ADAMTS3: variants seen among roughly 807,000 people sequenced by gnomAD.
The protein encoded by ADAMTS3 is A disintegrin and metalloproteinase with thrombospondin motifs 3.
ADAMTS3 carries 73 observed loss-of-function variants against 129.0 expected under a neutral mutation model. The observed-to-expected ratio is 0.57, with a 90% CI of 0.47 to 0.69. ADAMTS3 has a LOEUF of 0.69. Ranked by LOEUF, ADAMTS3 falls within the 30% of genes least tolerant of loss-of-function variation. ADAMTS3 has a pLI of 0.00. For missense variants in ADAMTS3, 1,457 were observed against 1,514.5 expected, an observed-to-expected ratio of 0.96 and a Z score of 0.63; for synonymous variants, 477 against 510.8, an observed-to-expected ratio of 0.93 and a Z score of 0.89.
At chr4:72,298,872 T>C (rs1306348240) in intron 17 of ADAMTS3, among the ~76,000 whole-genome samples, 1 of 151,876 alleles carries the variant, frequency 6.6e-6, no homozygotes, top group African/African-American at 2.4e-5. Context: ...AAAATTTTGG[T>C]GCATTTTAAA....
Position 72,431,197 on chromosome 4 carries a change from G to A in ADAMTS3, c.505-16226C>T, listed in dbSNP as rs143517488. ...AAGAAAAGAATTATGGCACAATGGC[G>A]AAAATGGCTCATAAAACCTGTTGAT... On this transcript the variant is annotated intron_variant, in intron 3 of 21. Coordinates refer to ENST00000286657, the MANE Select transcript of ADAMTS3 (RefSeq NM_014243.3). Among the ~76,000 whole-genome samples, 18 of 152,008 alleles carry A rather than the reference G, an allele frequency of 1.2e-4. No homozygotes were observed. In the East Asian group the frequency reaches 1.4e-3, roughly 12 times the overall value.
intron 2 of ADAMTS3, among the ~76,000 whole-genome samples, chr4:72,552,543 C>T (rs1328374578): frequency 6.6e-6 from 1 of 152,136 alleles, no homozygotes; most frequent in Non-Finnish European, 1.5e-5. Context: ...GTTCTCCTTG[C>T]TTCTGCTCTT....
chr4:72,438,396 T>C (rs1299792206), intron 3 of ADAMTS3, among the ~76,000 whole-genome samples: 1 of 151,788 alleles, frequency 6.6e-6, no homozygotes, highest in Non-Finnish European at 1.5e-5. Flanking sequence ...ATTTAATTCC[T>C]TTTAAAACAA....
chr4:72,455,270 T>C (rs892370615), intron 3 of ADAMTS3, among the ~76,000 whole-genome samples: 1 of 151,592 alleles, frequency 6.6e-6, no homozygotes, highest in African/African-American at 2.4e-5. Flanking sequence ...GTGGCACATA[T>C]AACACCATGA....
chr4:72,363,229 T>C (rs2109857543), intron 4 of ADAMTS3, among the ~76,000 whole-genome samples: 1 of 152,206 alleles, frequency 6.6e-6, no homozygotes, highest in East Asian at 1.9e-4. Context: ...GATGATCCCC[T>C]ACAAGGAGAT....
intron 3 of ADAMTS3, among the ~76,000 whole-genome samples, chr4:72,518,438 G>A (rs1201851716): frequency 5.9e-5 from 9 of 152,186 alleles, no homozygotes; most frequent in African/African-American, 1.4e-4. Context: ...ACAGCGGGGT[G>A]TTAAAGTCTC....
intron 4 of ADAMTS3, among the ~76,000 whole-genome samples, chr4:72,404,859 CAAA>C (rs1400100047): frequency 5.4e-5 from 7 of 129,914 alleles, no homozygotes; most frequent in African/African-American, 2.0e-4. Context: ...CACACACACA[CAAA>C]ACACACAAAA....
At chr4:72,503,044 G>A (rs1008111150) in intron 3 of ADAMTS3, among the ~76,000 whole-genome samples, 1 of 151,734 alleles carries the variant, frequency 6.6e-6, no homozygotes, top group African/African-American at 2.4e-5. Context: ...TTGTTTTCTT[G>A]ATGGAGTCTC....
chr4:72,561,534 T>C (rs1721904732), intron 2 of ADAMTS3, among the ~76,000 whole-genome samples: 1 of 152,062 alleles, frequency 6.6e-6, no homozygotes, highest in Non-Finnish European at 1.5e-5. Context: ...AAATGAACTT[T>C]ACATGTAAAA....
intron 3 of ADAMTS3, among the ~76,000 whole-genome samples, chr4:72,538,887 A>AG (rs2109774474): frequency 6.6e-6 from 1 of 152,316 alleles, no homozygotes; most frequent in African/African-American, 2.4e-5. Flanking sequence ...GATTTCAGAA[A>AG]GGGGTGCCAA....
chr4:72,453,271 T>C (rs1578692383), intron 3 of ADAMTS3, among the ~76,000 whole-genome samples: 2 of 151,970 alleles, frequency 1.3e-5, no homozygotes, highest in South Asian at 4.1e-4. Context: ...TGGCTGGTAG[T>C]AGTAGAAACA....
In ADAMTS3 at chr4:72,465,074, G is replaced by A. The variant is rs1282139883; in HGVS notation, c.505-50103C>T. On this transcript the variant is annotated intron_variant, in intron 3 of 21. Transcript: ENST00000286657. ...AGTTCAGGAGAGAGAATATTAATAA[G>A]TAAATAAATAAACACCATTGCTTAG... Among the ~76,000 whole-genome samples the A allele has an allele frequency of 1.1e-4, 16 of 151,938 alleles. 1 individual carries two copies. The highest frequency in any genetic ancestry group is 1.1e-3 in the Admixed American group (16 of 15,222).
At chr4:72,550,020 A>G (rs80346145) in intron 2 of ADAMTS3, among the ~76,000 whole-genome samples, 2 of 1,806 alleles carry the variant, frequency 1.1e-3, no homozygotes, top group African/African-American at 2.7e-3. Context: ...GAAGAAGAAG[A>G]AGAAGAAGAA....
intron 3 of ADAMTS3, among the ~76,000 whole-genome samples, chr4:72,454,659 C>A (rs191097671): frequency 5.3e-5 from 8 of 151,698 alleles, no homozygotes; most frequent in African/African-American, 1.7e-4. Context: ...CAAAAATTAC[C>A]TTTGTAAAAT....
intron 3 of ADAMTS3, among the ~76,000 whole-genome samples, chr4:72,478,214 C>T (rs1438212628): frequency 1.3e-5 from 2 of 152,144 alleles, no homozygotes; most frequent in African/African-American, 2.4e-5. Flanking sequence ...CATTCTGATA[C>T]CAAAGCTGGG....
At chr4:72,452,411 A>G (rs1718430593) in intron 3 of ADAMTS3, among the ~76,000 whole-genome samples, 1 of 151,764 alleles carries the variant, frequency 6.6e-6, no homozygotes, top group Non-Finnish European at 1.5e-5. Flanking sequence ...TCTTATAAAC[A>G]AAACTGGCCC....
intron 2 of ADAMTS3, among the ~76,000 whole-genome samples, chr4:72,561,382 G>A (rs1391545834): frequency 6.6e-6 from 1 of 151,994 alleles, no homozygotes; most frequent in Non-Finnish European, 1.5e-5. Flanking sequence ...TGGGGCCAGT[G>A]TAGTCCCAGC....
At chr4:72,520,364 T>C (rs1422116343) in intron 3 of ADAMTS3, among the ~76,000 whole-genome samples, 2 of 152,182 alleles carry the variant, frequency 1.3e-5, no homozygotes, top group African/African-American at 2.4e-5. Context: ...CACTGCTCTC[T>C]TCAAAGCTGT....
intron 3 of ADAMTS3, among the ~76,000 whole-genome samples, chr4:72,538,797 T>C (rs1299254640): frequency 2.0e-5 from 3 of 152,134 alleles, no homozygotes; most frequent in Non-Finnish European, 4.4e-5. Flanking sequence ...AATAAAGTTA[T>C]ATTAGCCTAA....
Sources: gnomAD v4.1 joint callset for allele counts (sites outside exome capture counted in the v4.1 genomes callset) on GRCh38, gnomAD v4.1.1 for gene constraint, MANE v1.5 for transcripts, NCBI Gene and HGNC (gene_info 2026-07-23, HGNC 2026-07-21) for gene names.